PEAK1: variants seen among roughly 807,000 people sequenced by gnomAD.
The protein encoded by PEAK1 is pseudopodium enriched atypical kinase 1, also known as inactive tyrosine-protein kinase PEAK1.
PEAK1 carries 54 observed loss-of-function variants against 124.7 expected under a neutral mutation model. That is an observed-to-expected ratio of 0.43 (90% confidence interval 0.35 to 0.54). The LOEUF (loss-of-function observed/expected upper bound fraction) is 0.54. PEAK1 is among the 20% of genes least tolerant of loss of function. The pLI is 0.01. For missense variants in PEAK1, 2,046 were observed against 2,134.5 expected (o/e 0.96, Z 0.82); for synonymous variants, 719 against 760.0 (o/e 0.95, Z 0.89).
intron 2 of PEAK1, chr15:77,350,833 G>A (rs1218591332): frequency 2.0e-6 from 2 of 980,644 alleles, no homozygotes; most frequent in Non-Finnish European, 2.4e-6. Context: ...GTAATTGGCT[G>A]TTAAGAAACA....
Position 77,180,219 on chromosome 15 carries a change from G to A in PEAK1, c.1708C>T (p.Pro570Ser). Reference protein sequence around the residue: ...PPRKNCHKSAPTSPTATNISS... With the variant: ...PPRKNCHKSASTSPTATNISS... ...ATGTTTGTAGCTGTGGGTGATGTAG[G>A]TGCTGATTTGTGACAGTTTTTCCTT... Residue 570 changes from proline (P) to serine (S), a missense_variant, in exon 7 of 10, where the codon CCT (proline) becomes TCT (serine). Pro to Ser is a moderately conservative substitution (Grantham distance 74). Transcript: ENST00000682557. 2 of 1,614,184 alleles carry A rather than the reference G, an allele frequency of 1.2e-6. No individual in the cohort carries two copies. The highest frequency in any genetic ancestry group is 1.6e-4 in the Middle Eastern group (1 of 6,062).
intron 7 of PEAK1, among the ~76,000 whole-genome samples, chr15:77,173,759 C>T (rs936361844): frequency 6.6e-6 from 1 of 152,208 alleles, no homozygotes; most frequent in Admixed American, 6.5e-5. Context: ...ACCTCTGTGA[C>T]TTTGCATATA....
At chr15:77,130,292 C>A (rs968219440) in intron 9 of PEAK1, among the ~76,000 whole-genome samples, 9 of 152,196 alleles carry the variant, frequency 5.9e-5, no homozygotes, top group Admixed American at 6.5e-5. Context: ...ATAGATAAGG[C>A]ACCATAACCT....
intron 8 of PEAK1, among the ~76,000 whole-genome samples, chr15:77,152,789 A>G (rs1049670677): frequency 3.3e-5 from 5 of 152,124 alleles, no homozygotes; most frequent in Non-Finnish European, 5.9e-5. Context: ...GCTGGATTAC[A>G]TTTATTGATT....
intron 1 of PEAK1, among the ~76,000 whole-genome samples, chr15:77,409,462 GGGT>G (rs2072218630): frequency 6.6e-6 from 1 of 152,164 alleles, no homozygotes; most frequent in African/African-American, 2.4e-5. Flanking sequence ...CAGGCAGTCT[GGGT>G]CCCAAATCCA....
chr15:77,311,541 G>A (rs1012437522), intron 2 of PEAK1, among the ~76,000 whole-genome samples: 5 of 151,622 alleles, frequency 3.3e-5, no homozygotes, highest in African/African-American at 7.3e-5. Context: ...GCGTGCTGGC[G>A]GGTACCTGTA....
chr15:77,233,910 G>A (rs1383414946), intron 6 of PEAK1, among the ~76,000 whole-genome samples: 1 of 152,072 alleles, frequency 6.6e-6, no homozygotes, highest in Admixed American at 6.5e-5. Context: ...TTGTTGCCCA[G>A]GCTGAAGTGC....
At chr15:77,348,810 C>CT in intron 2 of PEAK1, 1 of 189,226 alleles carries the variant, frequency 5.3e-6, no homozygotes, top group Non-Finnish European at 6.4e-6. Flanking sequence ...GGGGAGGGGG[C>CT]GGGCAGGTGG....
rs144251095 is a variant in PEAK1, at chr15:77,316,471, C to A, written c.-602-29967G>T. Among the ~76,000 whole-genome samples, 654 of 152,278 alleles carry A rather than the reference C, an allele frequency of 4.3e-3. 1 individual carries two copies. Among genetic ancestry groups the A allele is most frequent in the African/African-American group, 0.013 (559 of 41,564 alleles). ...TTTCTCTGGAAAATTCTCCCTGGTT[C>A]CCAAAGCAGGTTAAGTCTCTCTAAT... On this transcript the variant is annotated intron_variant, in intron 2 of 9. Transcript: ENST00000682557.
chr15:77,394,690 T>C lies in PEAK1; in HGVS notation c.-666+25316A>G, dbSNP rs143777993. The stretch of plus-strand genomic sequence containing the variant: ...AAGAAGGGGTACAAATAAGCCCAGA[T>C]TGCAAAGATGACAATAAATACCTAA... On this transcript the variant is annotated intron_variant, in intron 1 of 9. Transcript: ENST00000682557. Among the ~76,000 whole-genome samples the C allele has an allele frequency of 5.9e-5, 9 of 152,270 alleles. No individual in the cohort carries two copies. The East Asian group carries it at 1.7e-3, about 29-fold the overall frequency.
chr15:77,132,853 C>T (rs2152740850), intron 9 of PEAK1, 152 bp downstream of exon 9: 2 of 684,016 alleles, frequency 2.9e-6, no homozygotes, highest in East Asian at 2.7e-5. Flanking sequence ...ATAAATAAGC[C>T]CCCTGCTTAA....
Position 77,376,360 on chromosome 15 carries a change from C to T in PEAK1, c.-665-11135G>A, listed in dbSNP as rs545323091. 1.5e-3 allele frequency among the ~76,000 whole-genome samples: 233 copies of T among 152,080 alleles called. 1 individual carries two copies. Among genetic ancestry groups the T allele is most frequent in the African/African-American group, 5.1e-3 (211 of 41,474 alleles). On this transcript the variant is annotated intron_variant, in intron 1 of 9. Coordinates refer to ENST00000682557, the MANE Select transcript of PEAK1 (RefSeq NM_001385026.1). ...TTCCTTCTCACATAAATACTACCTG[C>T]TCTATATTTCCCAGGAAGTTGGTTA...
chr15:77,384,749 C>T (rs1417771966), intron 1 of PEAK1, among the ~76,000 whole-genome samples: 1 of 152,182 alleles, frequency 6.6e-6, no homozygotes, highest in East Asian at 1.9e-4. Flanking sequence ...CCTTGGCCCT[C>T]CACCAGATCC....
intron 2 of PEAK1, among the ~76,000 whole-genome samples, chr15:77,323,377 GA>G (rs2065359794): frequency 1.3e-5 from 2 of 152,144 alleles, no homozygotes; most frequent in South Asian, 2.1e-4. Flanking sequence ...TGTATATCTA[GA>G]AAACCCCATT....
rs1041939592 is a variant in PEAK1, at chr15:77,239,828, C to T, written c.-115+12539G>A. On this transcript the variant is annotated intron_variant, in intron 6 of 9. Transcript: ENST00000682557. Reference sequence around the variant, plus strand: ...CTTCTTTCAATGCATCTTTCAAAGACCACTCTCTAGGAAATCACACAACTG... The same window carrying T: ...CTTCTTTCAATGCATCTTTCAAAGATCACTCTCTAGGAAATCACACAACTG... 6 of 984,898 alleles carry T rather than the reference C, an allele frequency of 6.1e-6. No homozygotes were observed. In the South Asian group the frequency reaches 1.4e-4, roughly 23 times the overall value. 61.0% of individuals were successfully genotyped at this position (984,898 alleles called of 1,614,324 possible).
chr15:77,183,374 G>T (rs2057380336), intron 6 of PEAK1, among the ~76,000 whole-genome samples: 1 of 151,974 alleles, frequency 6.6e-6, no homozygotes, highest in Non-Finnish European at 1.5e-5. Flanking sequence ...ATTTCCACTG[G>T]TGCATCTATC....
At chr15:77,162,447 T>C (rs1388377955) in intron 7 of PEAK1, among the ~76,000 whole-genome samples, 3 of 144,854 alleles carry the variant, frequency 2.1e-5, no homozygotes, top group Non-Finnish European at 4.5e-5. Context: ...TGAGCCAAGA[T>C]TGTGCCACTA....
chr15:77,169,966 T>C (rs887441622), intron 7 of PEAK1, among the ~76,000 whole-genome samples: 1 of 152,098 alleles, frequency 6.6e-6, no homozygotes. Flanking sequence ...AAGTGGAAAA[T>C]TGCACATGAT....
intron 4 of PEAK1, among the ~76,000 whole-genome samples, 194 bp from the exon 5 acceptor site, chr15:77,284,224 A>G (rs754673257): frequency 1.2e-4 from 18 of 152,362 alleles, no homozygotes; most frequent in Non-Finnish European, 2.1e-4. Context: ...TTACAGTGCC[A>G]TACAAATGCG....
Sources: allele counts gnomAD v4.1 joint callset (sites outside exome capture counted in the v4.1 genomes callset), GRCh38; gene constraint gnomAD v4.1.1; transcripts MANE v1.5; gene names NCBI Gene and HGNC (gene_info 2026-07-23, HGNC 2026-07-21).